The following XPO6 variants were observed in gnomAD, a reference collection of about 807,000 sequenced individuals.
XPO6 encodes the protein exportin-6.
In XPO6, 3 loss-of-function variants were observed where a neutral mutation model predicts 130.0. The observed-to-expected ratio is 0.02, with a 90% CI of 0.01 to 0.06. XPO6 has a LOEUF of 0.06. Among genes scored for constraint, XPO6 ranks in the 10% least tolerant of loss-of-function variants. The pLI is 1.00. For missense variants in XPO6, 970 were observed against 1,393.0 expected (o/e 0.70, Z 4.83); for synonymous variants, 524 against 548.9 (o/e 0.95, Z 0.63).
chr16:28,197,828 A>T (rs903943744), intron 1 of XPO6, among the ~76,000 whole-genome samples: 6 of 151,278 alleles, frequency 4.0e-5, no homozygotes, highest in East Asian at 1.9e-4. Flanking sequence ...CTGAGGCAGG[A>T]AAACTGCTTG....
intron 17 of XPO6, chr16:28,111,216 T>C (rs148742520): frequency 6.6e-6 from 1 of 152,428 alleles, no homozygotes; most frequent in African/African-American, 2.4e-5. Context: ...TAATGTTCTA[T>C]TATTTTCTTT....
At chr16:28,178,353 G>T (rs1353839525) in intron 2 of XPO6, among the ~76,000 whole-genome samples, 1 of 152,064 alleles carries the variant, frequency 6.6e-6, no homozygotes, top group Admixed American at 6.5e-5. Context: ...AGGACTGCTT[G>T]AGGCCAGGAG....
chr16:28,123,455 T>C (rs2087301145), intron 13 of XPO6, among the ~76,000 whole-genome samples: 1 of 152,186 alleles, frequency 6.6e-6, no homozygotes, highest in African/African-American at 2.4e-5. Context: ...AAGACCTGGC[T>C]AGTTTCTCTC....
At chr16:28,176,215 G>C in intron 3 of XPO6, 120 bp from the exon 4 acceptor site, 1 of 842,826 alleles carries the variant, frequency 1.2e-6, no homozygotes, top group South Asian at 1.7e-5. Flanking sequence ...ATAAAGGTTT[G>C]GGGCAATATG....
chr16:28,193,303 C>T lies in XPO6; in HGVS notation c.4-12272G>A, dbSNP rs113587003. Among the ~76,000 whole-genome samples, 1,076 of 152,168 alleles carry T rather than the reference C, an allele frequency of 7.1e-3. 18 individuals carry two copies. Among genetic ancestry groups the T allele is most frequent in the African/African-American group, 0.025 (1,029 of 41,490 alleles). ...GGGGATCTCTGAGGGCACTGCATTACGCAGGAAGTGTGGGGGCGCTGCACA... is the reference window on the plus strand; with the variant it reads ...GGGGATCTCTGAGGGCACTGCATTATGCAGGAAGTGTGGGGGCGCTGCACA... On this transcript the variant is annotated intron_variant, in intron 1 of 23. Coordinates refer to ENST00000304658, the MANE Select transcript of XPO6 (RefSeq NM_015171.4).
rs192368983 is a variant in XPO6, at chr16:28,180,383, T to A, written c.94+558A>T. On this transcript the variant is annotated intron_variant, in intron 2 of 23. Coordinates refer to ENST00000304658, the MANE Select transcript of XPO6 (RefSeq NM_015171.4). Reference sequence around the variant, plus strand: ...CGTCTCAAAAACAAAACAAAAAAATTTTTTTTTGAGACAGGATCTTACATT... The same window carrying A: ...CGTCTCAAAAACAAAACAAAAAAATATTTTTTTGAGACAGGATCTTACATT... Among the ~76,000 whole-genome samples, 687 of 151,590 alleles carry A rather than the reference T, an allele frequency of 4.5e-3. 6 individuals are homozygous for A. Among genetic ancestry groups the A allele is most frequent in the African/African-American group, 0.016 (667 of 41,330 alleles).
intron 7 of XPO6, among the ~76,000 whole-genome samples, chr16:28,154,912 G>C (rs543077326): frequency 1.9e-4 from 29 of 152,020 alleles, no homozygotes; most frequent in African/African-American, 7.0e-4. Flanking sequence ...GAATATGAAA[G>C]TGTGAATAAT....
At chr16:28,203,869 C>A (rs1208440538) in intron 1 of XPO6, among the ~76,000 whole-genome samples, 7 of 152,190 alleles carry the variant, frequency 4.6e-5, no homozygotes, top group Non-Finnish European at 1.0e-4. Context: ...CCACATCTAA[C>A]CTATACACAG....
intron 12 of XPO6, among the ~76,000 whole-genome samples, chr16:28,127,296 G>A (rs2087444604): frequency 6.6e-6 from 1 of 152,074 alleles, no homozygotes; most frequent in South Asian, 2.1e-4. Flanking sequence ...CAGCCTCTCA[G>A]GGGCATCCTG....
At chr16:28,141,151 G>A (rs551849709) in intron 9 of XPO6, among the ~76,000 whole-genome samples, 1 of 152,118 alleles carries the variant, frequency 6.6e-6, no homozygotes, top group Non-Finnish European at 1.5e-5. Context: ...AAAAAGCAAG[G>A]AGCAGTTTTT....
rs892988464 is a variant in XPO6, at chr16:28,106,323, C to T, written c.2612+60G>A. 36 of 1,605,764 alleles carry T rather than the reference C, an allele frequency of 2.2e-5. No individual in the cohort carries two copies. Among genetic ancestry groups the T allele is most frequent in the African/African-American group, 6.7e-5 (5 of 74,724 alleles). On this transcript the variant is annotated intron_variant, in intron 19 of 23. Transcript: ENST00000304658. The surrounding 1 kb of genome is among the most constrained non-coding windows in gnomAD (Gnocchi z 4.2). Reference sequence around the variant, plus strand: ...ACAGGAGCAAAAAGCCACACTTTGTCGCCAGACCCACCACTTCTCCCTTGA... The same window carrying T: ...ACAGGAGCAAAAAGCCACACTTTGTTGCCAGACCCACCACTTCTCCCTTGA...
intron 4 of XPO6, among the ~76,000 whole-genome samples, chr16:28,175,658 T>A (rs1267589472): frequency 1.4e-5 from 2 of 144,634 alleles, no homozygotes; most frequent in Non-Finnish European, 3.0e-5. Flanking sequence ...TTTCAAATAC[T>A]GGCTGAACAA....
At chr16:28,176,562 A>G (rs1050528904) in intron 3 of XPO6, among the ~76,000 whole-genome samples, 1 of 151,840 alleles carries the variant, frequency 6.6e-6, no homozygotes, top group African/African-American at 2.4e-5. Flanking sequence ...CAGTGGTGCA[A>G]TCTCAGCTCA....
chr16:28,198,180 T>C (rs984024512), intron 1 of XPO6, among the ~76,000 whole-genome samples: 1 of 152,006 alleles, frequency 6.6e-6, no homozygotes, highest in African/African-American at 2.4e-5. Context: ...ATTTAATGAT[T>C]TGAAAAGCCA....
chr16:28,193,228 C>T (rs2043811529), intron 1 of XPO6, among the ~76,000 whole-genome samples: 1 of 152,148 alleles, frequency 6.6e-6, no homozygotes, highest in African/African-American at 2.4e-5. Flanking sequence ...CCAAAGGGTC[C>T]TTAAGTATCC....
At chr16:28,108,049 T>C (rs1321460962) in intron 17 of XPO6, among the ~76,000 whole-genome samples, 2 of 152,036 alleles carry the variant, frequency 1.3e-5, no homozygotes, top group East Asian at 1.9e-4. Flanking sequence ...ATCTAAAAGA[T>C]GGTGAATAGA....
chr16:28,100,769 G>T (rs1036607035), intron 23 of XPO6, among the ~76,000 whole-genome samples: 3 of 152,238 alleles, frequency 2.0e-5, no homozygotes, highest in African/African-American at 7.2e-5. Flanking sequence ...GAGAACAGGT[G>T]AGCCCCATGG....
chr16:28,203,572 C>G (rs1267466178), intron 1 of XPO6, among the ~76,000 whole-genome samples: 1 of 152,198 alleles, frequency 6.6e-6, no homozygotes, highest in South Asian at 2.1e-4. Flanking sequence ...ATTTCATCAG[C>G]ACATGGCCCA....
chr16:28,199,615 A>T (rs2043923839), intron 1 of XPO6, among the ~76,000 whole-genome samples: 1 of 147,910 alleles, frequency 6.8e-6, no homozygotes, highest in Admixed American at 6.8e-5. Flanking sequence ...CACCCAGGAT[A>T]AAGTGCAATG....
Sources: gnomAD v4.1 joint callset for allele counts (sites outside exome capture counted in the v4.1 genomes callset) on GRCh38, gnomAD v4.1.1 for gene constraint, Gnocchi (gnomAD v3.1) non-coding constraint, MANE v1.5 for transcripts, NCBI Gene and HGNC (gene_info 2026-07-23, HGNC 2026-07-21) for gene names.